ANKRD28: variants seen among roughly 807,000 people sequenced by gnomAD.
ANKRD28 encodes the protein ankyrin repeat domain 28, also known as serine/threonine-protein phosphatase 6 regulatory ankyrin repeat subunit A.
A neutral mutation model predicts 126.5 loss-of-function variants in ANKRD28; 44 were observed. The observed-to-expected ratio is 0.35, with a 90% confidence interval of 0.27 to 0.45. ANKRD28 has a LOEUF of 0.45. ANKRD28 is among the 20% of genes least tolerant of loss of function. The probability of loss-of-function intolerance (pLI) is 1.00; values close to 1 mark genes in which losing one functional copy is unlikely to be tolerated. For missense variants in ANKRD28, 1,110 were observed against 1,316.6 expected (o/e 0.84, Z 2.43); for synonymous variants, 442 against 468.5 (o/e 0.94, Z 0.73).
Position 15,706,982 on chromosome 3 carries a change from A to C in ANKRD28, c.1547+942T>G, listed in dbSNP as rs967787683. The stretch of plus-strand genomic sequence containing the variant: ...TTTAGCCACAATCCAACATAAAAAA[A>C]GTTACTTATAAAAATGGTTTTGAAA... On this transcript the variant is annotated intron_variant, in intron 14 of 27. Transcript: ENST00000683139. Among the ~76,000 whole-genome samples the C allele has an allele frequency of 2.6e-5, 4 of 152,352 alleles. No homozygotes were observed. The East Asian group carries it at 7.7e-4, about 29-fold the overall frequency.
chr3:15,691,714 C>T (rs1039276934), intron 17 of ANKRD28, among the ~76,000 whole-genome samples: 5 of 152,122 alleles, frequency 3.3e-5, no homozygotes, highest in South Asian at 2.1e-4. Context: ...CTGTAGGTCA[C>T]GGAATTCTAC....
chr3:15,752,993 TGA>T (rs947686787), intron 3 of ANKRD28, among the ~76,000 whole-genome samples: 14 of 151,694 alleles, frequency 9.2e-5, no homozygotes, highest in Non-Finnish European at 1.6e-4. Context: ...CCTTGAAAAA[TGA>T]GAGAAAATAA....
At position 15,737,091 on chromosome 3, in the gene ANKRD28, A is replaced by C. The variant is rs1366150849; in HGVS notation, c.494T>G (p.Val165Gly). ...TGCAGTCCTCCCTGCTCGATCAGAT[A>C]CGTTTACATTACTCAGAAGAGGTAC... ...ALVPLLSNVN[V>G]SDRAGRTALH... Residue 165 changes from valine to glycine, a missense_variant, in exon 5 of 28, where the codon GTA (valine) becomes GGA (glycine). Physicochemically the swap from Val to Gly is moderately radical, Grantham distance 109 (BLOSUM62 -3). Coordinates refer to ENST00000683139, the MANE Select transcript of ANKRD28 (RefSeq NM_001349278.2). 4.3e-6 allele frequency: 7 copies of C among 1,613,982 alleles called. No homozygotes were observed. The highest frequency in any genetic ancestry group is 5.9e-6 in the Non-Finnish European group (7 of 1,179,886).
chr3:15,749,093 A>ATTTTTTTTT (rs1559466121), intron 4 of ANKRD28, among the ~76,000 whole-genome samples: 20 of 57,764 alleles, frequency 3.5e-4, no homozygotes, highest in East Asian at 1.4e-3. Context: ...ATTCTATATT[A>ATTTTTTTTT]TGTTTTTGTT....
At chr3:15,808,257 A>T (rs1196357871) in intron 1 of ANKRD28, among the ~76,000 whole-genome samples, 1 of 152,230 alleles carries the variant, frequency 6.6e-6, no homozygotes, top group Non-Finnish European at 1.5e-5. Context: ...TCCTATTCAA[A>T]ATTAAGATGC....
Position 15,792,813 on chromosome 3 carries a change from T to G in ANKRD28, c.201+2410A>C, listed in dbSNP as rs114945948. 4.3e-3 allele frequency among the ~76,000 whole-genome samples: 648 copies of G among 152,316 alleles called. 5 individuals are homozygous for G. The highest frequency in any genetic ancestry group is 0.019 in the East Asian group (100 of 5,190). On this transcript the variant is annotated intron_variant, in intron 2 of 27. Transcript: ENST00000683139. ...TACATGCCTGTACCAAAACATCCCA[T>G]GTACCCCATAAATATAGACACCTAT...
rs951290136 is a variant in ANKRD28 at position 15,778,164 on chromosome 3, A to G, written c.202-11852T>C. The stretch of plus-strand genomic sequence containing the variant: ...GAACGTCTCCCTTGTAACAATCATC[A>G]TATTAATTGACTTGTTTCATGTTCA... On this transcript the variant is annotated intron_variant, in intron 2 of 27. Coordinates refer to ENST00000683139, the MANE Select transcript of ANKRD28 (RefSeq NM_001349278.2). Among the ~76,000 whole-genome samples the G allele has an allele frequency of 3.9e-5, 6 of 152,116 alleles. No homozygotes were observed. In the East Asian group the frequency reaches 5.8e-4, roughly 15 times the overall value.
intron 4 of ANKRD28, among the ~76,000 whole-genome samples, chr3:15,741,067 C>T (rs552086786): frequency 2.0e-4 from 31 of 152,054 alleles, no homozygotes; most frequent in Admixed American, 8.5e-4. Flanking sequence ...GGTGGGGGGG[C>T]GGGCGCCTGT....
intron 1 of ANKRD28, among the ~76,000 whole-genome samples, chr3:15,821,574 T>C (rs963341745): frequency 3.3e-5 from 5 of 152,130 alleles, no homozygotes; most frequent in East Asian, 1.9e-4. Context: ...AAGCAATGAA[T>C]AGGTGGCAAA....
chr3:15,827,583 C>A (rs1261778235), intron 1 of ANKRD28, among the ~76,000 whole-genome samples: 1 of 152,036 alleles, frequency 6.6e-6, no homozygotes, highest in Admixed American at 6.6e-5. Flanking sequence ...CTGTCTTTTG[C>A]CCCCATTGAA....
At chr3:15,727,587 A>AAG (rs1553609262) in intron 6 of ANKRD28, among the ~76,000 whole-genome samples, 97 of 110,346 alleles carry the variant, frequency 8.8e-4, no homozygotes, top group Non-Finnish European at 1.2e-3. Flanking sequence ...AAAAAAAAAA[A>AAG]AAAGAAAGAA....
At chr3:15,706,871 G>A (rs1260869743) in intron 14 of ANKRD28, among the ~76,000 whole-genome samples, 1 of 151,938 alleles carries the variant, frequency 6.6e-6, no homozygotes, top group Non-Finnish European at 1.5e-5. Flanking sequence ...TGTGTCTGTT[G>A]GCTGCATAAA....
At chr3:15,727,634 G>A (rs1399491829) in intron 6 of ANKRD28, among the ~76,000 whole-genome samples, 2 of 148,708 alleles carry the variant, frequency 1.3e-5, no homozygotes, top group African/African-American at 5.0e-5. Context: ...GGAGGTCAAA[G>A]TATTATTATT....
chr3:15,846,747 C>G lies in ANKRD28; in HGVS notation c.27+12630G>C, dbSNP rs1224612456. On this transcript the variant is annotated intron_variant, in intron 1 of 27. Transcript: ENST00000399451. The surrounding 1 kb of genome is among the most constrained non-coding windows in gnomAD (Gnocchi z 5.4). ...GATCAGCTGGGTGTGCCTGAGGAGG[C>G]TGGAGACAACCCAGGCTGAAAGAAG... Among the ~76,000 whole-genome samples, 1 of 152,186 alleles carries G rather than the reference C, an allele frequency of 6.6e-6. No individual in the cohort carries two copies. Among genetic ancestry groups the G allele is most frequent in the African/African-American group, 2.4e-5 (1 of 41,436 alleles).
chr3:15,795,360 A>C, intron 1 of ANKRD28, 54 bp from the exon 2 acceptor site: 1 of 1,223,666 alleles, frequency 8.2e-7, no homozygotes, highest in Non-Finnish European at 1.2e-6. Flanking sequence ...GGGGTGACTA[A>C]GGATATTTTA....
In ANKRD28 at chr3:15,815,787, A is replaced by T. The variant is rs1260625400; in HGVS notation, c.28-20481T>A. Among the ~76,000 whole-genome samples the T allele has an allele frequency of 6.6e-6, 1 of 152,208 alleles. No homozygotes were observed. Among genetic ancestry groups the T allele is most frequent in the Non-Finnish European group, 1.5e-5 (1 of 68,036 alleles). On this transcript the variant is annotated intron_variant, in intron 1 of 27. Transcript: ENST00000399451. This position sits in a 1 kb window ranked among gnomAD's most constrained non-coding sequence, Gnocchi z 4.1. ...ATCTGTTATTTCTTCCCTTGTCAAA[A>T]TTATTTATGAACAAATCAACCTCAT...
At chr3:15,770,621 T>G (rs944166714) in intron 2 of ANKRD28, among the ~76,000 whole-genome samples, 5 of 152,216 alleles carry the variant, frequency 3.3e-5, no homozygotes, top group Non-Finnish European at 7.3e-5. Flanking sequence ...GTTTCTTCTC[T>G]GCACATGAGC....
At chr3:15,849,212 T>C (rs2061587115) in intron 1 of ANKRD28, among the ~76,000 whole-genome samples, 1 of 152,214 alleles carries the variant, frequency 6.6e-6, no homozygotes, top group South Asian at 2.1e-4. Flanking sequence ...ATCATTAAGA[T>C]GGCAGTATTT....
intron 4 of ANKRD28, among the ~76,000 whole-genome samples, chr3:15,741,511 G>A (rs1377614112): frequency 6.6e-6 from 1 of 152,022 alleles, no homozygotes; most frequent in Non-Finnish European, 1.5e-5. Flanking sequence ...TGTAAGAAAT[G>A]CTGCTGGTGT....
Sources: gnomAD v4.1 joint callset for allele counts (sites outside exome capture counted in the v4.1 genomes callset) on GRCh38, gnomAD v4.1.1 for gene constraint, Gnocchi (gnomAD v3.1) non-coding constraint, MANE v1.5 for transcripts, NCBI Gene and HGNC (gene_info 2026-07-23, HGNC 2026-07-21) for gene names.